Variants in OR52N2 observed in about 807,000 individuals in gnomAD.
OR52N2 encodes the protein olfactory receptor family 52 subfamily N member 2, also known as olfactory receptor 52N2.
For synonymous variants in OR52N2, 129 were observed against 72.0 expected (o/e 1.79, Z -4.01); for missense variants, 326 against 196.6 (o/e 1.66, Z -3.94).
chr11:5,814,698 A>T (rs920073302), intron 1 of OR52N2, among the ~76,000 whole-genome samples: 7 of 152,174 alleles, frequency 4.6e-5, no homozygotes, highest in Admixed American at 3.3e-4. Context: ...CCCAATAATT[A>T]ATTTTGCAGA....
At chr11:5,809,649 C>CAA (rs11340711) in intron 1 of OR52N2, among the ~76,000 whole-genome samples, 2 of 103,330 alleles carry the variant, frequency 1.9e-5, no homozygotes, top group Non-Finnish European at 4.1e-5. Context: ...CATTGTCTTT[C>CAA]AAAAAAAAAA....
intron 1 of OR52N2, among the ~76,000 whole-genome samples, chr11:5,818,979 C>T (rs952415677): frequency 6.6e-6 from 1 of 152,160 alleles, no homozygotes; most frequent in Non-Finnish European, 1.5e-5. Flanking sequence ...CTTTACATTT[C>T]CCTCCATCAT....
chr11:5,813,199 G>A (rs1846377724), intron 1 of OR52N2, among the ~76,000 whole-genome samples: 1 of 151,398 alleles, frequency 6.6e-6, no homozygotes, highest in Non-Finnish European at 1.5e-5. Flanking sequence ...GGCAGGTAAT[G>A]ATAAAGATCA....
At chr11:5,816,730 G>A (rs1846407877) in intron 1 of OR52N2, among the ~76,000 whole-genome samples, 1 of 152,044 alleles carries the variant, frequency 6.6e-6, no homozygotes, top group Non-Finnish European at 1.5e-5. Context: ...AGTGGAGACG[G>A]GTTTCACCAT....
rs140274848 is a variant in OR52N2, at chr11:5,809,688, C to G, written c.-55+634C>G. Among the ~76,000 whole-genome samples the G allele has an allele frequency of 3.5e-3, 526 of 150,738 alleles. 2 individuals carry two copies. Among genetic ancestry groups the G allele is most frequent in the African/African-American group, 0.012 (497 of 41,140 alleles). ...AAGTAAAGCTATTTTCAAAGCAGTT[C>G]TATAAAAAAGCTGAAAAATGATTAC... On this transcript the variant is annotated intron_variant, in intron 1 of 1. Transcript: ENST00000317037.
intron 1 of OR52N2, among the ~76,000 whole-genome samples, chr11:5,812,698 G>T (rs1846373723): frequency 6.6e-6 from 1 of 151,786 alleles, no homozygotes; most frequent in Admixed American, 6.6e-5. Context: ...AATAGTAGGG[G>T]ATGTCAACAC....
chr11:5,818,682 A>G (rs2134243462), intron 1 of OR52N2, among the ~76,000 whole-genome samples: 1 of 152,306 alleles, frequency 6.6e-6, no homozygotes, highest in East Asian at 1.9e-4. Context: ...TTTCTCTTTC[A>G]CTTCTTAAGA....
At chr11:5,817,564 T>C (rs1200924255) in intron 1 of OR52N2, among the ~76,000 whole-genome samples, 1 of 152,180 alleles carries the variant, frequency 6.6e-6, no homozygotes, top group African/African-American at 2.4e-5. Context: ...TTAATTTTAA[T>C]TCAATTTAAA....
At chr11:5,815,480 G>T (rs1846396974) in intron 1 of OR52N2, among the ~76,000 whole-genome samples, 1 of 151,902 alleles carries the variant, frequency 6.6e-6, no homozygotes, top group South Asian at 2.1e-4. Context: ...AAAGACACTG[G>T]ACATCAGTAA....
At chr11:5,819,566 G>C (rs1166142762) in intron 1 of OR52N2, among the ~76,000 whole-genome samples, 1 of 152,144 alleles carries the variant, frequency 6.6e-6, no homozygotes, top group Non-Finnish European at 1.5e-5. Context: ...TAATGATTTA[G>C]AATTGTAAAT....
chr11:5,812,261 G>A (rs1320735510), intron 1 of OR52N2, among the ~76,000 whole-genome samples: 1 of 151,648 alleles, frequency 6.6e-6, no homozygotes, highest in East Asian at 1.9e-4. Context: ...TTGGGAGGCC[G>A]AGGCAGGCGG....
chr11:5,811,581 T>C (rs981480918), intron 1 of OR52N2, among the ~76,000 whole-genome samples: 14 of 151,738 alleles, frequency 9.2e-5, no homozygotes, highest in Non-Finnish European at 1.9e-4. Context: ...GCACAAAATA[T>C]AGAAAGTAAA....
intron 1 of OR52N2, among the ~76,000 whole-genome samples, chr11:5,819,371 C>G (rs937654929): frequency 6.6e-6 from 1 of 152,062 alleles, no homozygotes; most frequent in Non-Finnish European, 1.5e-5. Context: ...TCAGTTATAA[C>G]AAAAATAATA....
At chr11:5,812,178 G>A (rs893020088) in intron 1 of OR52N2, among the ~76,000 whole-genome samples, 1 of 151,898 alleles carries the variant, frequency 6.6e-6, no homozygotes, top group Non-Finnish European at 1.5e-5. Flanking sequence ...TTCTGCACAC[G>A]TATCCTGTTT....
intron 1 of OR52N2, among the ~76,000 whole-genome samples, chr11:5,816,507 CCATGTATGGT>C: frequency 6.6e-6 from 1 of 151,166 alleles, no homozygotes; most frequent in Non-Finnish European, 1.5e-5. Flanking sequence ...AGTGCGGAGG[CCATGTATGGT>C]CTCCAATTTA....
Position 5,813,845 on chromosome 11 carries a change from G to A in OR52N2, c.-55+4791G>A, listed in dbSNP as rs537092317. On this transcript the variant is annotated intron_variant, in intron 1 of 1. Coordinates refer to ENST00000317037, the MANE Select transcript of OR52N2 (RefSeq NM_001005174.3). The stretch of plus-strand genomic sequence containing the variant: ...CCATGATCACTTGGGCTTTATCACC[G>A]GAATACAAGGATGTTTCAACACACA... Among the ~76,000 whole-genome samples, 13 of 152,172 alleles carry A rather than the reference G, an allele frequency of 8.5e-5. No homozygotes were observed. The East Asian group carries it at 1.2e-3, about 14-fold the overall frequency.
chr11:5,818,174 T>C (rs1395116191), intron 1 of OR52N2, among the ~76,000 whole-genome samples: 1 of 152,154 alleles, frequency 6.6e-6, no homozygotes, highest in Non-Finnish European at 1.5e-5. Flanking sequence ...TACTTTTCCA[T>C]AGTTTCCAAA....
Position 5,816,664 on chromosome 11 carries a change from C to T in OR52N2, c.-54-3618C>T, listed in dbSNP as rs11039141. 2.1e-3 allele frequency among the ~76,000 whole-genome samples: 314 copies of T among 152,164 alleles called. 2 individuals carry two copies. The highest frequency in any genetic ancestry group is 3.0e-3 in the Non-Finnish European group (202 of 68,000). ...AAGCGACCCTCCCATCTCAGCCTCC[C>T]GAGTTGCTGGGACTACAGGCTTGCA... On this transcript the variant is annotated intron_variant, in intron 1 of 1. Transcript: ENST00000317037.
chr11:5,810,926 T>C (rs1270316123), intron 1 of OR52N2, among the ~76,000 whole-genome samples: 1 of 151,976 alleles, frequency 6.6e-6, no homozygotes, highest in African/African-American at 2.4e-5. Flanking sequence ...AATGAAAAGG[T>C]TTAAGAAGAT....
Sources: allele counts gnomAD v4.1 joint callset (sites outside exome capture counted in the v4.1 genomes callset), GRCh38; gene constraint gnomAD v4.1.1; transcripts MANE v1.5; gene names NCBI Gene and HGNC (gene_info 2026-07-23, HGNC 2026-07-21).